Variants in PID1 observed in about 807,000 individuals in gnomAD.
PID1 encodes the protein PTB-containing, cubilin and LRP1-interacting protein.
PID1 carries 10 observed loss-of-function variants against 19.1 expected under a neutral mutation model. The ratio of observed to expected loss-of-function variants is 0.52; its 90% CI spans 0.32 to 0.89. The LOEUF (loss-of-function observed/expected upper bound fraction) is 0.89. Among genes scored for constraint, PID1 ranks in the 40% least tolerant of loss-of-function variants. The pLI, the probability that PID1 is intolerant of heterozygous loss-of-function variation, is 0.03. For missense variants in PID1, 248 were observed against 285.3 expected, an observed-to-expected ratio of 0.87 and a Z score of 0.94; for synonymous variants, 130 against 116.0, an observed-to-expected ratio of 1.12 and a Z score of -0.78.
intron 2 of PID1, among the ~76,000 whole-genome samples, chr2:229,028,398 C>G (rs532867184): frequency 6.6e-6 from 1 of 152,318 alleles, no homozygotes; most frequent in Non-Finnish European, 1.5e-5. Flanking sequence ...CTCATGTGGA[C>G]AATCTGTGAT....
Position 229,085,656 on chromosome 2 carries a change from GAC to G in PID1, c.178-59550_178-59549del, listed in dbSNP as rs199954433. Among the ~76,000 whole-genome samples the G allele has an allele frequency of 6.3e-3, 966 of 152,136 alleles. 11 individuals are homozygous for G. The highest frequency in any genetic ancestry group is 0.022 in the African/African-American group (900 of 41,524). ...TATATGACATATACTTGTGATACCT[GAC>G]AACACAAGTAACCTGTTACATAAAT... is the stretch of plus-strand genomic sequence containing the variant. On this transcript the variant is annotated intron_variant, in intron 2 of 2. Transcript: ENST00000392055.
intron 1 of PID1, among the ~76,000 whole-genome samples, chr2:229,228,456 T>C (rs556186254): frequency 6.6e-6 from 1 of 152,334 alleles, no homozygotes; most frequent in South Asian, 2.1e-4. Context: ...ATTTGATTGA[T>C]TTTACCATTA....
chr2:229,203,265 T>A (rs1258835795), intron 1 of PID1, among the ~76,000 whole-genome samples: 3 of 152,062 alleles, frequency 2.0e-5, no homozygotes, highest in Non-Finnish European at 4.4e-5. Flanking sequence ...TCATTGGCAG[T>A]CAATATTATT....
At chr2:229,179,415 C>G (rs1418642487) in intron 1 of PID1, among the ~76,000 whole-genome samples, 1 of 152,034 alleles carries the variant, frequency 6.6e-6, no homozygotes, top group Non-Finnish European at 1.5e-5. Flanking sequence ...AAAATGCTTC[C>G]CATTCAAAAC....
At chr2:229,177,525 TC>T (rs1690849551) in intron 1 of PID1, among the ~76,000 whole-genome samples, 1 of 152,152 alleles carries the variant, frequency 6.6e-6, no homozygotes, top group African/African-American at 2.4e-5. Flanking sequence ...TTTCTCCCCC[TC>T]CTTATTTGCA....
At chr2:229,188,838 A>G (rs1055657055) in intron 1 of PID1, among the ~76,000 whole-genome samples, 3 of 152,090 alleles carry the variant, frequency 2.0e-5, no homozygotes, top group African/African-American at 7.2e-5. Flanking sequence ...ACTCTACAGC[A>G]TAAGATGATT....
At chr2:229,189,917 GAA>G (rs1197262802) in intron 1 of PID1, among the ~76,000 whole-genome samples, 1 of 152,144 alleles carries the variant, frequency 6.6e-6, no homozygotes, top group East Asian at 1.9e-4. Flanking sequence ...TAAATAATGA[GAA>G]AGTTATTCCC....
At position 229,156,954 on chromosome 2, in the gene PID1, G is replaced by A. The variant is rs1036801212; in HGVS notation, c.31-990C>T. Among the ~76,000 whole-genome samples the A allele has an allele frequency of 7.2e-5, 11 of 152,136 alleles. No homozygotes were observed. In the East Asian group the frequency reaches 1.3e-3, roughly 19 times the overall value. ...GACCCCTGATCACGCTGCTCCTGTCGTAGGTATTTGCAAGTCTTGCTTCCT... is the reference window on the plus strand; with the variant it reads ...GACCCCTGATCACGCTGCTCCTGTCATAGGTATTTGCAAGTCTTGCTTCCT... On this transcript the variant is annotated intron_variant, in intron 1 of 2. Transcript: ENST00000392055.
chr2:229,249,332 T>A (rs1198409091), intron 1 of PID1, among the ~76,000 whole-genome samples: 1 of 152,178 alleles, frequency 6.6e-6, no homozygotes, highest in Non-Finnish European at 1.5e-5. Context: ...AAAATACCTC[T>A]CTCAACACAA....
intron 2 of PID1, among the ~76,000 whole-genome samples, chr2:229,086,748 T>C (rs1009212860): frequency 3.4e-4 from 52 of 152,006 alleles, no homozygotes; most frequent in Non-Finnish European, 8.8e-5. Context: ...CTGGCATGAG[T>C]GGTAAGACAG....
chr2:229,268,181 A>G (rs568906615), intron 1 of PID1, among the ~76,000 whole-genome samples: 2 of 152,344 alleles, frequency 1.3e-5, no homozygotes, highest in African/African-American at 4.8e-5. Flanking sequence ...GCTCAGGGCA[A>G]TAGGTCCCTT....
intron 1 of PID1, among the ~76,000 whole-genome samples, chr2:229,260,484 A>G (rs1315502366): frequency 6.7e-6 from 1 of 149,884 alleles, no homozygotes; most frequent in Non-Finnish European, 1.5e-5. Flanking sequence ...ATATATGTAT[A>G]TATGTATATA....
chr2:229,111,537 A>G (rs948737182), intron 2 of PID1, among the ~76,000 whole-genome samples: 1 of 152,212 alleles, frequency 6.6e-6, no homozygotes, highest in Non-Finnish European at 1.5e-5. Flanking sequence ...GTGATGGGGG[A>G]AAGATATGGG....
chr2:229,158,580 C>A (rs4973164), intron 1 of PID1, among the ~76,000 whole-genome samples: 93,140 of 151,728 alleles, frequency 0.61, 29,245 homozygotes, highest in East Asian at 0.88. Context: ...AAGGTAACAT[C>A]ATTTTAAAAA....
At chr2:229,028,252 A>C (rs1693468152) in intron 2 of PID1, among the ~76,000 whole-genome samples, 2 of 152,196 alleles carry the variant, frequency 1.3e-5, no homozygotes, top group Non-Finnish European at 2.9e-5. Flanking sequence ...TTTGAACTGA[A>C]ATTTATTTAT....
intron 1 of PID1, among the ~76,000 whole-genome samples, chr2:229,157,464 T>C (rs1301059307): frequency 6.6e-6 from 1 of 152,102 alleles, no homozygotes; most frequent in East Asian, 1.9e-4. Context: ...AATGTTATTT[T>C]GAACTTGTAT....
At chr2:229,173,183 A>G (rs16825816) in intron 1 of PID1, among the ~76,000 whole-genome samples, 2,743 of 152,288 alleles carry the variant, frequency 0.018, 82 homozygotes, top group African/African-American at 0.059. Context: ...TAAACCCAAC[A>G]TAATTCCAAA....
intron 1 of PID1, among the ~76,000 whole-genome samples, chr2:229,229,831 G>T (rs370479372): frequency 4.6e-5 from 7 of 152,256 alleles, no homozygotes; most frequent in African/African-American, 1.7e-4. Context: ...AATTTCAAAA[G>T]TAAGAAGTCC....
At chr2:229,073,865 AACTTT>A (rs1406969270) in intron 2 of PID1, among the ~76,000 whole-genome samples, 1 of 152,222 alleles carries the variant, frequency 6.6e-6, no homozygotes, top group Non-Finnish European at 1.5e-5. Flanking sequence ...TATTAAAATG[AACTTT>A]ACTTTCTTAT....
Sources: allele counts gnomAD v4.1 joint callset (sites outside exome capture counted in the v4.1 genomes callset), GRCh38; gene constraint gnomAD v4.1.1; transcripts MANE v1.5; gene names NCBI Gene and HGNC (gene_info 2026-07-23, HGNC 2026-07-21).